The following LSM14B variants were observed in gnomAD, a reference collection of about 807,000 sequenced individuals.
LSM14B encodes LSM family member 14B.
LSM14B carries 8 observed loss-of-function variants against 42.1 expected under a neutral mutation model. The ratio of observed to expected loss-of-function variants is 0.19; its 90% CI spans 0.11 to 0.34. The LOEUF (loss-of-function observed/expected upper bound fraction) is 0.34, where lower values mean the gene tolerates loss of function less well. Ranked by LOEUF, LSM14B falls within the 10% of genes least tolerant of loss-of-function variation. LSM14B has a pLI of 1.00. For synonymous variants in LSM14B, 219 were observed against 209.7 expected (o/e 1.04, Z -0.38); for missense variants, 396 against 513.1 (o/e 0.77, Z 2.21).
intron 8 of LSM14B, among the ~76,000 whole-genome samples, chr20:62,133,938 G>A (rs1237436304): frequency 6.6e-6 from 1 of 152,246 alleles, no homozygotes; most frequent in African/African-American, 2.4e-5. Context: ...CAGCGCCTCG[G>A]GACAGCCAGG....
In LSM14B at chr20:62,134,230, A is replaced by G. The variant is rs536164474; in HGVS notation, c.*82A>G. On this transcript the variant is annotated 3_prime_UTR_variant, in exon 9 of 9. Coordinates refer to ENST00000279068, the MANE Select transcript of LSM14B (RefSeq NM_144703.3). ...GACGCGAGGAAAACGCTGCACTTAC[A>G]GGGAGAGGTGGTCACTTTGTTTACG... 1 of 471,548 alleles carries G rather than the reference A, an allele frequency of 2.1e-6. No homozygotes were observed. The highest frequency in any genetic ancestry group is 4.4e-6 in the Non-Finnish European group (1 of 227,150). The allele number at this position is 471,548 out of a possible 1,614,324, so 29.2% of individuals were successfully genotyped here.
chr20:62,125,509 T>C (rs931339772), intron 2 of LSM14B, among the ~76,000 whole-genome samples: 2 of 152,268 alleles, frequency 1.3e-5, no homozygotes, highest in African/African-American at 4.8e-5. Flanking sequence ...GCCCAGTCGT[T>C]ACATGCTGCT....
intron 3 of LSM14B, chr20:62,129,074 G>C (rs751942734): frequency 7.8e-6 from 9 of 1,155,202 alleles, no homozygotes; most frequent in Middle Eastern, 2.6e-4. Flanking sequence ...CAGAGGGCCT[G>C]GTTTCTGAGG....
At chr20:62,125,050 T>G (rs2056549246) in intron 2 of LSM14B, among the ~76,000 whole-genome samples, 1 of 152,100 alleles carries the variant, frequency 6.6e-6, no homozygotes, top group South Asian at 2.1e-4. Context: ...CCAGCTAATT[T>G]TTGTAATTTT....
chr20:62,129,600 T>C (rs2056704374), intron 3 of LSM14B, among the ~76,000 whole-genome samples, 185 bp from the exon 4 acceptor site: 1 of 152,204 alleles, frequency 6.6e-6, no homozygotes, highest in Non-Finnish European at 1.5e-5. Flanking sequence ...TGGCCTTCTT[T>C]TGCTGCCTGG....
chr20:62,124,928 T>C (rs1327824915), intron 2 of LSM14B, 148 bp downstream of exon 2: 15 of 881,610 alleles, frequency 1.7e-5, no homozygotes, highest in African/African-American at 3.4e-5. Flanking sequence ...GTCACCAGGC[T>C]GGAGGTCAGT....
At chr20:62,124,814 A>C in intron 2 of LSM14B, 34 bp downstream of exon 2, 3 of 1,580,700 alleles carry the variant, frequency 1.9e-6, no homozygotes, top group Non-Finnish European at 1.7e-6. Context: ...TGCATGCTGT[A>C]GGAGATGCTG....
chr20:62,126,054 C>A (rs375043682), intron 2 of LSM14B, among the ~76,000 whole-genome samples: 59 of 152,228 alleles, frequency 3.9e-4, no homozygotes, highest in African/African-American at 1.2e-3. Flanking sequence ...GAGCAATACT[C>A]TTTCAAAAAA....
chr20:62,127,409 C>G (rs142097980), intron 3 of LSM14B, among the ~76,000 whole-genome samples: 2 of 152,318 alleles, frequency 1.3e-5, no homozygotes, highest in African/African-American at 4.8e-5. Flanking sequence ...GGTTGCTATT[C>G]CTAGTGTGAC....
intron 1 of LSM14B, among the ~76,000 whole-genome samples, chr20:62,124,207 TGCCTCCTCAGGC>T (rs2056513923): frequency 6.6e-6 from 1 of 152,254 alleles, no homozygotes; most frequent in Non-Finnish European, 1.5e-5. Flanking sequence ...GTGAGAAAAC[TGCCTCCTCAGGC>T]GCAATGTGCG....
Position 62,131,486 on chromosome 20 carries a change from C to G in LSM14B, c.966C>G (p.Ile322Met), listed in dbSNP as rs924107657. The G allele has an allele frequency of 6.2e-7, 1 of 1,613,480 alleles. No homozygotes were observed. The highest frequency in any genetic ancestry group is 1.7e-5 in the Admixed American group (1 of 60,002). ...AATCCAAGTCGTTCTTCGACAACAT[C>G]TCTTCTGAACTCAAGACCAGGTGAG... ...YDKSKSFFDNISSELKTSSRR... is the reference protein window; with the variant it reads ...YDKSKSFFDNMSSELKTSSRR... Residue 322 changes from isoleucine to methionine, a missense_variant, in exon 7 of 9, where the codon ATC (isoleucine) becomes ATG (methionine). This residue lies in a region of LSM14B where 118 missense variants were observed against 156.4 expected (regional missense o/e 0.75). Coordinates refer to ENST00000279068, the MANE Select transcript of LSM14B (RefSeq NM_144703.3).
In LSM14B at chr20:62,124,688, A is replaced by T; in HGVS notation, c.199A>T (p.Ile67Phe). 1 of 1,613,940 alleles carries T rather than the reference A, an allele frequency of 6.2e-7. No homozygotes were observed. Among genetic ancestry groups the T allele is most frequent in the Non-Finnish European group, 8.5e-7 (1 of 1,179,876 alleles). ...CCCCAGAGAGGAGATTTATGAGTAC[A>T]TCATTTTCCGAGGAAGTGACATCAA... ...APPREEIYEY[I>F]IFRGSDIKDI... The change falls in exon 2 of 9, where the codon ATC (isoleucine) becomes TTC (phenylalanine). Residue 67 changes from isoleucine (I) to phenylalanine (F), a missense_variant. By Grantham distance (21) the Ile-to-Phe change is conservative. Coordinates refer to ENST00000279068, the MANE Select transcript of LSM14B (RefSeq NM_144703.3).
chr20:62,135,314 G>T lies in LSM14B; in HGVS notation c.*1166G>T, dbSNP rs868350869. On this transcript the variant is annotated 3_prime_UTR_variant, in exon 9 of 9. Transcript: ENST00000279068. ...TGGCTAAGAATTAGAACATAGCAAGGGGGCTCCTCTGTTGGAGTAATGTAA... is the reference window on the plus strand; with the variant it reads ...TGGCTAAGAATTAGAACATAGCAAGTGGGCTCCTCTGTTGGAGTAATGTAA... 6.6e-6 allele frequency: 1 copy of T among 152,166 alleles called. No homozygotes were observed. Among genetic ancestry groups the T allele is most frequent in the African/African-American group, 2.4e-5 (1 of 41,430 alleles). 9.4% of individuals were successfully genotyped at this position (152,166 alleles called of 1,614,324 possible).
chr20:62,127,856 T>C (rs755621015), intron 3 of LSM14B: 14 of 720,790 alleles, frequency 1.9e-5, no homozygotes, highest in Middle Eastern at 2.3e-4. Context: ...GTAGTCCTGA[T>C]TGATGAACTC....
chr20:62,125,186 T>C (rs1411394284), intron 2 of LSM14B, among the ~76,000 whole-genome samples: 1 of 152,188 alleles, frequency 6.6e-6, no homozygotes, highest in African/African-American at 2.4e-5. Context: ...GCCTGAGGAA[T>C]AACCTTTTAA....
chr20:62,132,008 G>T (rs2056780594), intron 7 of LSM14B, among the ~76,000 whole-genome samples: 3 of 152,238 alleles, frequency 2.0e-5, no homozygotes, highest in Admixed American at 6.5e-5. Flanking sequence ...GGAGTGGGTG[G>T]CATCTACAGT....
In LSM14B at chr20:62,131,448, T is replaced by C. The variant is rs769515196; in HGVS notation, c.928T>C (p.Cys310Arg). The C allele has an allele frequency of 3.1e-6, 5 of 1,613,990 alleles. No individual in the cohort carries two copies. Among genetic ancestry groups the C allele is most frequent in the Non-Finnish European group, 4.2e-6 (5 of 1,179,888 alleles). Reference protein sequence around the residue: ...PAEEDLLGPNCYYDKSKSFFD... With the variant: ...PAEEDLLGPNRYYDKSKSFFD... ...TGAGGAAGACCTTCTGGGGCCCAACTGCTACTATGACAAATCCAAGTCGTT... is the reference window on the plus strand; with the variant it reads ...TGAGGAAGACCTTCTGGGGCCCAACCGCTACTATGACAAATCCAAGTCGTT... Residue 310 changes from cysteine to arginine, a missense_variant, in exon 7 of 9, where the codon TGC (cysteine) becomes CGC (arginine). Cys to Arg is a radical substitution (Grantham distance 180). Transcript: ENST00000279068.
At position 62,124,731 on chromosome 20, in the gene LSM14B, A is replaced by G. The variant is rs1425385987; in HGVS notation, c.242A>G (p.Glu81Gly). The G allele has an allele frequency of 1.9e-6, 3 of 1,613,856 alleles. No homozygotes were observed. Residue 81 changes from glutamate (E) to glycine (G), a missense_variant, in exon 2 of 9, where the codon GAA becomes GGA. Around this residue, in one of 3 missense-constraint regions of LSM14B, gnomAD observed 274 missense variants for 335.8 expected, o/e 0.82. Coordinates refer to ENST00000279068, the MANE Select transcript of LSM14B (RefSeq NM_144703.3). The part of the protein sequence containing the change: ...GSDIKDITVC[E>G]PPKAQHTLPQ... ...GACATCAAGGATATCACTGTGTGTG[A>G]ACCTCCGAAAGCTCAGCACACACTC... is the stretch of plus-strand genomic sequence containing the variant.
chr20:62,124,034 A>G (rs568527216), intron 1 of LSM14B, among the ~76,000 whole-genome samples: 28 of 152,324 alleles, frequency 1.8e-4, no homozygotes, highest in African/African-American at 6.7e-4. Flanking sequence ...CGCTCCTGGA[A>G]GCCTGCTGGT....
Sources: gnomAD v4.1 joint callset for allele counts (sites outside exome capture counted in the v4.1 genomes callset) on GRCh38, gnomAD v4.1.1 for gene constraint, gnomAD v4.1.1 regional missense constraint, MANE v1.5 for transcripts, NCBI Gene and HGNC (gene_info 2026-07-23, HGNC 2026-07-21) for gene names.